The following EPHB6 variants were observed in gnomAD, a reference collection of about 807,000 sequenced individuals.
EPHB6 encodes the protein ephrin type-B receptor 6.
Under a neutral mutation model 107.0 loss-of-function variants are expected in EPHB6, and 51 were observed. The observed-to-expected ratio is 0.48, with a 90% CI of 0.38 to 0.60. EPHB6 has a LOEUF of 0.60. Ranked by LOEUF, EPHB6 falls within the 20% of genes least tolerant of loss-of-function variation. EPHB6 has a pLI of 0.00. For synonymous variants in EPHB6, 553 were observed against 549.0 expected (o/e 1.01, Z -0.10); for missense variants, 1,141 against 1,355.5 (o/e 0.84, Z 2.48).
intron 1 of EPHB6, among the ~76,000 whole-genome samples, chr7:142,857,809 G>T (rs919195856): frequency 6.6e-6 from 1 of 152,216 alleles, no homozygotes; most frequent in African/African-American, 2.4e-5. Flanking sequence ...CATGCATGAT[G>T]TCAGCAGCGG....
At chr7:142,857,631 G>A (rs1444344637) in intron 1 of EPHB6, among the ~76,000 whole-genome samples, 1 of 152,186 alleles carries the variant, frequency 6.6e-6, no homozygotes, top group African/African-American at 2.4e-5. Context: ...CCTTGGGACT[G>A]TTCTGTCCCT....
chr7:142,863,148 C>T lies in EPHB6; in HGVS notation c.-80C>T, dbSNP rs925845214. 1.6e-6 allele frequency: 2 copies of T among 1,239,320 alleles called. No individual in the cohort carries two copies. Among genetic ancestry groups the T allele is most frequent in the African/African-American group, 1.5e-5 (1 of 67,322 alleles). The allele number at this position is 1,239,320 out of a possible 1,614,324, so 76.8% of individuals were successfully genotyped here. A position where few individuals can be genotyped will look rare whatever the true frequency, so the allele number is the denominator to read the frequency against. On this transcript the variant is annotated 5_prime_UTR_variant, in exon 5 of 20. Coordinates refer to ENST00000652003, the MANE Select transcript of EPHB6 (RefSeq NM_004445.6). The stretch of plus-strand genomic sequence containing the variant: ...TCAGGAAGCAAGCTTAGCTGTACAC[C>T]CTGAGTCTTGCAAAAGCTGCAGCCC...
intron 1 of EPHB6, among the ~76,000 whole-genome samples, chr7:142,857,532 C>G (rs1010157230): frequency 6.6e-6 from 1 of 152,220 alleles, no homozygotes; most frequent in Non-Finnish European, 1.5e-5. Context: ...GCCTGTGGTA[C>G]TGACCCCTCC....
Position 142,867,187 on chromosome 7 carries a change from G to C in EPHB6, c.1750+119G>C. Reference sequence around the variant, plus strand: ...GTGCTTCCCAACCAGAAGTTCTGTGGGAAAGGAGAGTGCCTTTTGCTCAGC... The same window carrying C: ...GTGCTTCCCAACCAGAAGTTCTGTGCGAAAGGAGAGTGCCTTTTGCTCAGC... On this transcript the variant is annotated intron_variant, in intron 11 of 19. Transcript: ENST00000652003. The surrounding 1 kb of genome is among the most constrained non-coding windows in gnomAD (Gnocchi z 5.3). The C allele has an allele frequency of 7.5e-7, 1 of 1,325,426 alleles. No individual in the cohort carries two copies. Among genetic ancestry groups the C allele is most frequent in the African/African-American group, 1.5e-5 (1 of 68,076 alleles). The allele number at this position is 1,325,426 out of a possible 1,614,324, so 82.1% of individuals were successfully genotyped here.
rs765464585 is a variant in EPHB6, at chr7:142,865,942, T to C, written c.1106-18T>C. 15 of 1,612,698 alleles carry C rather than the reference T, an allele frequency of 9.3e-6. No homozygotes were observed. The highest frequency in any genetic ancestry group is 1.3e-5 in the Non-Finnish European group (15 of 1,179,480). ...TGCCCTCTTGGCCCTTGGACTGCCA[T>C]ATCCTCCGGCCCCCCAGGTCCTCCA... On this transcript the variant is annotated intron_variant, in intron 8 of 19. Coordinates refer to ENST00000652003, the MANE Select transcript of EPHB6 (RefSeq NM_004445.6).
chr7:142,865,366 C>G, intron 7 of EPHB6, 109 bp from the exon 8 acceptor site: 1 of 1,426,476 alleles, frequency 7.0e-7, no homozygotes, highest in African/African-American at 1.4e-5. Flanking sequence ...AAAGGAGAAC[C>G]AGCTCTGGGG....
Position 142,866,572 on chromosome 7 carries a change from C to T in EPHB6, c.1554C>T (p.Asn518=). 5.6e-6 allele frequency: 9 copies of T among 1,614,148 alleles called. No homozygotes were observed. Among genetic ancestry groups the T allele is most frequent in the South Asian group, 1.1e-5 (1 of 91,080 alleles). The change falls in exon 10 of 20, where the codon AAC becomes AAT. Residue 518 remains asparagine, a synonymous_variant. Coordinates refer to ENST00000652003, the MANE Select transcript of EPHB6 (RefSeq NM_004445.6). The surrounding 1 kb of genome is among the most constrained non-coding windows in gnomAD (Gnocchi z 5.2). ...SWPQPDQTNG[N]ILDYQLRYYD... is the part of the protein sequence containing the mutation. ...CGCAGCCCGACCAGACCAATGGGAA[C>T]ATCCTGGACTATCAGCTCCGCTACT...
chr7:142,864,508 G>C lies in EPHB6; in HGVS notation c.708G>C (p.Val236=). Residue 236 remains valine, a synonymous_variant, in exon 7 of 20, where the codon GTG becomes GTC. Coordinates refer to ENST00000652003, the MANE Select transcript of EPHB6 (RefSeq NM_004445.6). Reference sequence around the variant, plus strand: ...TCTTCTCCTACACCTGCCCTGCCGTGCTCCGATCCTTTGCTTCCTTTCCAG... The same window carrying C: ...TCTTCTCCTACACCTGCCCTGCCGTCCTCCGATCCTTTGCTTCCTTTCCAG... ...VRLFSYTCPA[V]LRSFASFPET... 1 of 1,613,470 alleles carries C rather than the reference G, an allele frequency of 6.2e-7. No homozygotes were observed. The highest frequency in any genetic ancestry group is 8.5e-7 in the Non-Finnish European group (1 of 1,180,030).
In EPHB6 at chr7:142,863,693, G is replaced by T. The variant is rs373096667; in HGVS notation, c.163G>T (p.Gly55Trp). The change falls in exon 6 of 20, where the codon GGG (glycine) becomes TGG (tryptophan). Residue 55 changes from glycine to tryptophan, a missense_variant and splice_region_variant. Transcript: ENST00000652003. ...TGGCTGGCTCACCTACCCACCAGGG[G>T]GGGTGAGTGCCACTCTAATTCTGAA... is the stretch of plus-strand genomic sequence containing the variant. ...EIGWLTYPPG[G>W]WDEVSVLDDQ... is the part of the protein sequence containing the mutation. 6.2e-6 allele frequency: 10 copies of T among 1,613,480 alleles called. No homozygotes were observed. In the Admixed American group the frequency reaches 1.3e-4, roughly 22 times the overall value.
rs758096886 is a variant in EPHB6, at chr7:142,870,365, G to A, written c.2762G>A (p.Arg921His). The A allele has an allele frequency of 1.2e-5, 20 of 1,614,054 alleles. No homozygotes were observed. The highest frequency in any genetic ancestry group is 6.7e-5 in the African/African-American group (5 of 74,944). The change falls in exon 18 of 20, where the codon CGC becomes CAC. Residue 921 changes from arginine (R) to histidine (H), a missense_variant. Arg to His is a conservative substitution (Grantham distance 29). This residue lies in a region of EPHB6 where 616 missense variants were observed against 759.3 expected (regional missense o/e 0.81). Transcript: ENST00000652003. ...GTGGCTGCATTTGACAAGATGATCC[G>A]CAAGCCAGATACCCTGCAGGCTGGC... is the stretch of plus-strand genomic sequence containing the variant. ...QLVAAFDKMI[R>H]KPDTLQAGGD...
chr7:142,863,426 C>A, intron 5 of EPHB6, 99 bp downstream of exon 5: 1 of 1,311,492 alleles, frequency 7.6e-7, no homozygotes, highest in Non-Finnish European at 1.1e-6. Context: ...AGAGTGAAGA[C>A]ATCAATAAAG....
chr7:142,865,126 G>C (rs1021850453), intron 7 of EPHB6, among the ~76,000 whole-genome samples: 4 of 152,156 alleles, frequency 2.6e-5, no homozygotes, highest in Non-Finnish European at 5.9e-5. Context: ...TGACAGGGAC[G>C]CAGGTAGAGG....
rs1443949647 is a variant in EPHB6, at chr7:142,855,986, G to A, written c.-432+601G>A. Among the ~76,000 whole-genome samples the A allele has an allele frequency of 6.6e-6, 1 of 152,168 alleles. No homozygotes were observed. Among genetic ancestry groups the A allele is most frequent in the Non-Finnish European group, 1.5e-5 (1 of 68,018 alleles). On this transcript the variant is annotated intron_variant, in intron 1 of 19. Transcript: ENST00000652003. The surrounding 1 kb of genome is among the most constrained non-coding windows in gnomAD (Gnocchi z 4.2). Reference sequence around the variant, plus strand: ...CCCTCGCTCTGCTCCCTCCATCTGGGTGCTTGGCCCTGCTTGCCCCACACC... The same window carrying A: ...CCCTCGCTCTGCTCCCTCCATCTGGATGCTTGGCCCTGCTTGCCCCACACC...
Position 142,868,850 on chromosome 7 carries a change from T to G in EPHB6, c.2286+111T>G, listed in dbSNP as rs1794750228. 6.3e-7 allele frequency: 1 copy of G among 1,598,778 alleles called. No homozygotes were observed. Among genetic ancestry groups the G allele is most frequent in the Non-Finnish European group, 8.5e-7 (1 of 1,173,876 alleles). On this transcript the variant is annotated intron_variant, in intron 15 of 19. Coordinates refer to ENST00000652003, the MANE Select transcript of EPHB6 (RefSeq NM_004445.6). The surrounding 1 kb of genome is among the most constrained non-coding windows in gnomAD (Gnocchi z 4.2). Reference sequence around the variant, plus strand: ...ACCCCACCTTCCATGGTCTCCGTCCTTCCTTCCCAGCCATTTTCTGATTCG... The same window carrying G: ...ACCCCACCTTCCATGGTCTCCGTCCGTCCTTCCCAGCCATTTTCTGATTCG...
At position 142,869,066 on chromosome 7, in the gene EPHB6, CCAT is replaced by C; in HGVS notation, c.2381_2383del (p.His794del). The C allele has an allele frequency of 6.2e-7, 1 of 1,613,682 alleles. No individual in the cohort carries two copies. The highest frequency in any genetic ancestry group is 8.5e-7 in the Non-Finnish European group (1 of 1,180,012). ...AGTACCTGTCCAGCTTTGCCTTCGT[CCAT>C]CGCTCGCTGTCTGCCCACAGCGTGC... On this transcript the variant is annotated inframe_deletion, in exon 16 of 20. Coordinates refer to ENST00000652003, the MANE Select transcript of EPHB6 (RefSeq NM_004445.6). The surrounding 1 kb of genome is among the most constrained non-coding windows in gnomAD (Gnocchi z 4.5).
In EPHB6 at chr7:142,869,109, T is replaced by C; in HGVS notation, c.2422T>C (p.Leu808=). The change falls in exon 16 of 20, where the codon TTG becomes CTG. Residue 808 remains leucine (L), a synonymous_variant. Coordinates refer to ENST00000652003, the MANE Select transcript of EPHB6 (RefSeq NM_004445.6). This position sits in a 1 kb window ranked among gnomAD's most constrained non-coding sequence, Gnocchi z 4.5. ...CCACAGCGTGCTGGTGAATAGCCACTTGGTGTGCAAGGTGGCCCGTCTTGG... is the reference window on the plus strand; with the variant it reads ...CCACAGCGTGCTGGTGAATAGCCACCTGGTGTGCAAGGTGGCCCGTCTTGG... The part of the protein sequence containing the change: ...SAHSVLVNSH[L]VCKVARLGHS... The C allele has an allele frequency of 3.7e-6, 6 of 1,613,766 alleles. No homozygotes were observed. Among genetic ancestry groups the C allele is most frequent in the Non-Finnish European group, 5.1e-6 (6 of 1,179,976 alleles).
In EPHB6 at chr7:142,869,929, A is replaced by G; in HGVS notation, c.2573A>G (p.Tyr858Cys). Residue 858 changes from tyrosine to cysteine, a missense_variant, in exon 17 of 20, where the codon TAT becomes TGT. By Grantham distance (194) the Tyr-to-Cys change is radical (BLOSUM62 -2). Around this residue, in one of 3 missense-constraint regions of EPHB6, gnomAD observed 616 missense variants for 759.3 expected, o/e 0.81. Coordinates refer to ENST00000652003, the MANE Select transcript of EPHB6 (RefSeq NM_004445.6). This position sits in a 1 kb window ranked among gnomAD's most constrained non-coding sequence, Gnocchi z 4.5. ...FGILMWEVMS[Y>C]GERPYWDMSE... is the part of the protein sequence containing the mutation. ...ATACTCATGTGGGAAGTGATGAGTT[A>G]TGGAGAACGGCCTTACTGGGACATG... The G allele has an allele frequency of 1.2e-6, 2 of 1,614,178 alleles. No individual in the cohort carries two copies. Among genetic ancestry groups the G allele is most frequent in the South Asian group, 2.2e-5 (2 of 91,080 alleles).
At chr7:142,870,757 A>G (rs202111836) in intron 19 of EPHB6, 39 bp from the exon 20 acceptor site, 3 of 1,614,054 alleles carry the variant, frequency 1.9e-6, no homozygotes, top group Middle Eastern at 1.6e-4. Flanking sequence ...GGGATCTCGG[A>G]GAAGCTGGCC....
chr7:142,858,936 A>G (rs897328261), intron 1 of EPHB6, among the ~76,000 whole-genome samples: 5 of 152,328 alleles, frequency 3.3e-5, no homozygotes, highest in Non-Finnish European at 7.3e-5. Flanking sequence ...AGCTGAGAAC[A>G]TATTATAAAG....
Sources: gnomAD v4.1 joint callset for allele counts (sites outside exome capture counted in the v4.1 genomes callset) on GRCh38, gnomAD v4.1.1 for gene constraint, gnomAD v4.1.1 regional missense constraint, Gnocchi (gnomAD v3.1) non-coding constraint, MANE v1.5 for transcripts, NCBI Gene and HGNC (gene_info 2026-07-23, HGNC 2026-07-21) for gene names.